Variants in NBN observed in about 807,000 individuals in gnomAD.
The protein encoded by NBN is Nijmegen breakage syndrome 1 (nibrin).
NBN carries 88 observed loss-of-function variants against 90.8 expected under a neutral mutation model. The observed-to-expected ratio is 0.97, with a 90% CI of 0.82 to 1.16. NBN has a LOEUF of 1.16. Ranked by LOEUF, NBN falls within the 50% of genes most tolerant of loss-of-function variation. The pLI, the probability that NBN is intolerant of heterozygous loss-of-function variation, is 0.00. For missense variants in NBN, 894 were observed against 869.6 expected, an observed-to-expected ratio of 1.03 and a Z score of -0.35; for synonymous variants, 328 against 295.1, an observed-to-expected ratio of 1.11 and a Z score of -1.14.
chr8:89,971,586 C>T (rs1359900358), intron 5 of NBN, among the ~76,000 whole-genome samples: 1 of 152,150 alleles, frequency 6.6e-6, no homozygotes, highest in Non-Finnish European at 1.5e-5. Flanking sequence ...ATGACTCAAA[C>T]AAGGTGTCTG....
chr8:89,965,075 C>T (rs1405524061), intron 7 of NBN, among the ~76,000 whole-genome samples: 1 of 151,788 alleles, frequency 6.6e-6, no homozygotes, highest in African/African-American at 2.4e-5. Context: ...GATCGCGCCA[C>T]TGCACTCCAG....
intron 14 of NBN, among the ~76,000 whole-genome samples, chr8:89,942,101 T>C (rs973375552): frequency 6.6e-5 from 10 of 152,122 alleles, no homozygotes; most frequent in Non-Finnish European, 1.3e-4. Context: ...ACCCAAGATG[T>C]TGACTTTAAT....
At position 89,934,992 on chromosome 8, in the gene NBN, T is replaced by G; in HGVS notation, c.*590A>C. 1 of 233,022 alleles carries G rather than the reference T, an allele frequency of 4.3e-6. No individual in the cohort carries two copies. Among genetic ancestry groups the G allele is most frequent in the Non-Finnish European group, 8.5e-6 (1 of 118,110 alleles). 14.4% of individuals were successfully genotyped at this position (233,022 alleles called of 1,614,324 possible). The stretch of plus-strand genomic sequence containing the variant: ...GTACTAGAATAACATGTAGGTGACA[T>G]CTGCACCACTGAAGCCATTTTGTTT... On this transcript the variant is annotated 3_prime_UTR_variant, in exon 16 of 16. Transcript: ENST00000265433.
At chr8:89,947,413 T>C (rs142187365) in intron 12 of NBN, among the ~76,000 whole-genome samples, 67 of 152,234 alleles carry the variant, frequency 4.4e-4, no homozygotes, top group African/African-American at 1.5e-3. Context: ...GCAGATCACC[T>C]GAGGTCGGGA....
At chr8:89,967,883 C>T (rs902891219) in intron 7 of NBN, among the ~76,000 whole-genome samples, 10 of 152,154 alleles carry the variant, frequency 6.6e-5, no homozygotes, top group Non-Finnish European at 1.2e-4. Flanking sequence ...TATAATTGCT[C>T]CTTCATTGGC....
At chr8:89,982,320 T>C (rs1233914744) in intron 2 of NBN, 1 of 275,954 alleles carries the variant, frequency 3.6e-6, no homozygotes, top group African/African-American at 2.3e-5. Context: ...GCCAGAGTCA[T>C]GAAGGTCTGT....
chr8:89,982,435 A>G, intron 2 of NBN: 1 of 445,458 alleles, frequency 2.2e-6, no homozygotes, highest in Non-Finnish European at 4.1e-6. Flanking sequence ...ATAGTAAACA[A>G]TAAATGTTTA....
chr8:89,952,541 T>C (rs1429538410), intron 11 of NBN, among the ~76,000 whole-genome samples: 4 of 152,230 alleles, frequency 2.6e-5, no homozygotes, highest in Admixed American at 1.3e-4. Context: ...GCTTAGCTAA[T>C]AAACTATAAC....
intron 5 of NBN, among the ~76,000 whole-genome samples, chr8:89,976,178 T>C (rs1222690052): frequency 2.6e-5 from 4 of 152,108 alleles, no homozygotes; most frequent in Non-Finnish European, 4.4e-5. Flanking sequence ...TTTAGTATGT[T>C]GGTCCCACTG....
At chr8:89,945,366 T>C (rs1184249752) in intron 13 of NBN, among the ~76,000 whole-genome samples, 2 of 152,152 alleles carry the variant, frequency 1.3e-5, no homozygotes, top group African/African-American at 2.4e-5. Flanking sequence ...TTCAGAACCC[T>C]TTAGGTACTA....
chr8:89,978,157 T>A, intron 5 of NBN, 63 bp downstream of exon 5: 1 of 1,386,400 alleles, frequency 7.2e-7, no homozygotes, highest in South Asian at 1.2e-5. Context: ...GGGAATTAAC[T>A]TAAATAAAAA....
chr8:89,975,207 C>A (rs1811695398), intron 5 of NBN, among the ~76,000 whole-genome samples: 1 of 152,140 alleles, frequency 6.6e-6, no homozygotes, highest in Non-Finnish European at 1.5e-5. Context: ...TTCTTGGTAA[C>A]AGTGCAAAGA....
chr8:89,975,075 C>A (rs1336170881), intron 5 of NBN, among the ~76,000 whole-genome samples: 1 of 152,312 alleles, frequency 6.6e-6, no homozygotes, highest in South Asian at 2.1e-4. Flanking sequence ...AAATTAAACA[C>A]TCCTTTTAAA....
intron 5 of NBN, among the ~76,000 whole-genome samples, chr8:89,971,651 C>T (rs926862218): frequency 2.6e-5 from 4 of 152,128 alleles, no homozygotes; most frequent in Non-Finnish European, 5.9e-5. Flanking sequence ...CTATTAGCAT[C>T]TTGTGTTTAC....
chr8:89,939,552 GA>G (rs778139422), intron 14 of NBN, among the ~76,000 whole-genome samples: 6 of 152,248 alleles, frequency 3.9e-5, no homozygotes, highest in Middle Eastern at 3.4e-3. Context: ...TCAAGGAGAA[GA>G]GTTTAAGCCA....
In NBN at chr8:89,981,487, C is replaced by T. The variant is rs560337591; in HGVS notation, c.208G>A (p.Asp70Asn). ...ACAAAGGTACCATACTTAGAATTAT[C>T]TTTTAATGTCAATACAGGGATTTCA... is the stretch of plus-strand genomic sequence containing the variant. ...TDEIPVLTLK[D>N]NSKYGTFVNE... Residue 70 changes from aspartate to asparagine, a missense_variant, in exon 3 of 16, where the codon GAT becomes AAT. Transcript: ENST00000265433. The T allele has an allele frequency of 6.2e-7, 1 of 1,613,418 alleles. No individual in the cohort carries two copies. The highest frequency in any genetic ancestry group is 1.3e-5 in the African/African-American group (1 of 75,024).
intron 5 of NBN, among the ~76,000 whole-genome samples, chr8:89,976,535 T>C (rs1364151997): frequency 6.6e-6 from 1 of 152,206 alleles, no homozygotes; most frequent in East Asian, 1.9e-4. Context: ...ATGTTAATTA[T>C]CCACAAGTGT....
chr8:89,967,433 G>C (rs898601064), intron 7 of NBN, among the ~76,000 whole-genome samples: 21 of 152,146 alleles, frequency 1.4e-4, no homozygotes, highest in African/African-American at 4.8e-4. Context: ...TATTTTAGAT[G>C]ACAGATTTTT....
At chr8:89,961,011 A>G (rs1810968398) in intron 8 of NBN, among the ~76,000 whole-genome samples, 1 of 152,222 alleles carries the variant, frequency 6.6e-6, no homozygotes, top group Admixed American at 6.5e-5. Flanking sequence ...CATACAGTGT[A>G]CTTTTTAATT....
Sources: allele counts gnomAD v4.1 joint callset (sites outside exome capture counted in the v4.1 genomes callset), GRCh38; gene constraint gnomAD v4.1.1; transcripts MANE v1.5; gene names NCBI Gene and HGNC (gene_info 2026-07-23, HGNC 2026-07-21).